Variants in USP34 observed in about 807,000 individuals in gnomAD.
The protein encoded by USP34 is ubiquitin carboxyl-terminal hydrolase 34.
USP34 carries 70 observed loss-of-function variants against 460.3 expected under a neutral mutation model. The ratio of observed to expected loss-of-function variants is 0.15; its 90% confidence interval spans 0.13 to 0.19. USP34 has a LOEUF of 0.19. Among genes scored for constraint, USP34 ranks in the 10% least tolerant of loss-of-function variants. USP34 has a pLI of 1.00. For missense variants in USP34, 3,985 were observed against 4,236.2 expected, an observed-to-expected ratio of 0.94 and a Z score of 1.65; for synonymous variants, 1,647 against 1,405.3, an observed-to-expected ratio of 1.17 and a Z score of -3.85.
intron 75 of USP34, among the ~76,000 whole-genome samples, chr2:61,199,787 G>C (rs1686916440): frequency 6.6e-6 from 1 of 151,992 alleles, no homozygotes; most frequent in Non-Finnish European, 1.5e-5. Flanking sequence ...ATACTACATG[G>C]TTTTAATCAT....
chr2:61,262,142 G>C (rs1415603985), intron 43 of USP34, among the ~76,000 whole-genome samples: 1 of 129,226 alleles, frequency 7.7e-6, no homozygotes, highest in Non-Finnish European at 1.6e-5. Context: ...TAGATAGATA[G>C]ATAGATAGAT....
intron 1 of USP34, among the ~76,000 whole-genome samples, chr2:61,424,870 G>A (rs538091309): frequency 3.3e-5 from 5 of 152,188 alleles, no homozygotes; most frequent in East Asian, 1.9e-4. Context: ...CACTCTGTCC[G>A]CCAGGGTAGA....
intron 1 of USP34, among the ~76,000 whole-genome samples, chr2:61,437,738 A>T (rs1250188501): frequency 6.6e-6 from 1 of 151,262 alleles, no homozygotes; most frequent in African/African-American, 2.4e-5. Context: ...GTACCACTGC[A>T]CTCCAGCCTG....
chr2:61,411,851 C>T (rs558197660), intron 2 of USP34, among the ~76,000 whole-genome samples: 114 of 152,066 alleles, frequency 7.5e-4, no homozygotes, highest in African/African-American at 2.3e-3. Context: ...ATAAGATATG[C>T]GAGAAAAATT....
intron 1 of USP34, among the ~76,000 whole-genome samples, chr2:61,459,652 C>T (rs1695542929): frequency 6.6e-6 from 1 of 151,956 alleles, no homozygotes; most frequent in African/African-American, 2.4e-5. Context: ...TGGCAGGCAC[C>T]TGTAATCCCA....
intron 27 of USP34, among the ~76,000 whole-genome samples, chr2:61,308,519 G>A (rs1690484041): frequency 6.6e-6 from 1 of 152,162 alleles, no homozygotes; most frequent in Non-Finnish European, 1.5e-5. Context: ...TAATGGATAT[G>A]TTCCATAAGG....
At chr2:61,215,774 C>T (rs1036461206) in intron 67 of USP34, among the ~76,000 whole-genome samples, 3 of 152,064 alleles carry the variant, frequency 2.0e-5, no homozygotes, top group Non-Finnish European at 4.4e-5. Context: ...GAGCCTTTAC[C>T]AAATGTATAC....
intron 7 of USP34, 130 bp downstream of exon 7, chr2:61,380,039 C>A: frequency 1.5e-6 from 1 of 660,232 alleles, no homozygotes; most frequent in Non-Finnish European, 2.4e-6. Context: ...TTGTGAAGAC[C>A]ATATAAAGTA....
At chr2:61,401,177 A>G (rs1398525027) in intron 3 of USP34, among the ~76,000 whole-genome samples, 2 of 151,834 alleles carry the variant, frequency 1.3e-5, no homozygotes, top group Admixed American at 6.6e-5. Context: ...AAATTAAAAA[A>G]TAAAACCTTC....
rs912579730 is a variant in USP34 at position 61,283,351 on chromosome 2, A to G, written c.4873+58T>C. The G allele has an allele frequency of 2.6e-6, 4 of 1,567,758 alleles. No individual in the cohort carries two copies. In the African/African-American group the frequency reaches 4.2e-5, roughly 16 times the overall value. On this transcript the variant is annotated intron_variant, in intron 36 of 79. Transcript: ENST00000398571. ...CAATGTTCAATATTAAAGGTAAAATATATCAATATATTATTCAAGTTTTTA... is the reference window on the plus strand; with the variant it reads ...CAATGTTCAATATTAAAGGTAAAATGTATCAATATATTATTCAAGTTTTTA...
intron 41 of USP34, among the ~76,000 whole-genome samples, chr2:61,271,173 C>T (rs762056106): frequency 6.6e-6 from 1 of 151,990 alleles, no homozygotes; most frequent in Non-Finnish European, 1.5e-5. Flanking sequence ...TGGTGACACA[C>T]GCCTGTAATC....
chr2:61,400,889 C>T (rs945085805), intron 3 of USP34, among the ~76,000 whole-genome samples: 4 of 152,036 alleles, frequency 2.6e-5, no homozygotes, highest in Non-Finnish European at 5.9e-5. Context: ...CGGTAGCTTA[C>T]GCCTGTAATC....
In USP34 at chr2:61,471,028, C is replaced by T. The variant is rs74181273; in HGVS notation, c.-336G>A. Among the ~76,000 whole-genome samples, 43,563 of 150,834 alleles carry T rather than the reference C, an allele frequency of 0.29. 7,108 individuals carry two copies. The highest frequency in any genetic ancestry group is 0.42 in the Middle Eastern group (120 of 288). ...GAGAGAAGCAGCAGAGTCACTTCAC[C>T]GACCAGACGCCGCGGCCACCGCCGA... On this transcript the variant is annotated 5_prime_UTR_variant, in exon 1 of 80. Transcript: ENST00000398571.
At chr2:61,361,689 A>C (rs1326228915) in intron 10 of USP34, among the ~76,000 whole-genome samples, 2 of 152,222 alleles carry the variant, frequency 1.3e-5, no homozygotes, top group Non-Finnish European at 2.9e-5. Flanking sequence ...AAGTACATTT[A>C]AGACCTGAAA....
chr2:61,357,479 TA>T (rs552456169), intron 10 of USP34, among the ~76,000 whole-genome samples: 29 of 149,946 alleles, frequency 1.9e-4, no homozygotes, highest in South Asian at 6.3e-4. Context: ...AATGTGAATT[TA>T]AAAAAAAAAT....
chr2:61,273,536 T>G lies in USP34; in HGVS notation c.5433+4629A>C, dbSNP rs117499494. ...GAGTTTGAGACCAGCCTGACCAACA[T>G]GGTGAAACCCTTCTCTATCAAAGAT... On this transcript the variant is annotated intron_variant, in intron 41 of 79. Transcript: ENST00000398571. Among the ~76,000 whole-genome samples the G allele has an allele frequency of 4.1e-4, 62 of 152,300 alleles. No homozygotes were observed. The East Asian group carries it at 0.01, about 25-fold the overall frequency.
intron 5 of USP34, among the ~76,000 whole-genome samples, chr2:61,387,909 A>G (rs1693213503): frequency 6.8e-6 from 1 of 147,376 alleles, no homozygotes; most frequent in Non-Finnish European, 1.5e-5. Context: ...ATATATAAGC[A>G]TATGTAAAAA....
intron 8 of USP34, among the ~76,000 whole-genome samples, chr2:61,377,733 A>T (rs1339716297): frequency 6.6e-6 from 1 of 152,212 alleles, no homozygotes; most frequent in Non-Finnish European, 1.5e-5. Flanking sequence ...AAGTCATCCA[A>T]TCTACAGTAC....
chr2:61,445,518 G>T (rs1401499720), intron 1 of USP34, among the ~76,000 whole-genome samples: 3 of 122,784 alleles, frequency 2.4e-5, no homozygotes, highest in African/African-American at 9.6e-5. Flanking sequence ...CTGGGCAACA[G>T]ATCGAGACTC....
Sources: gnomAD v4.1 joint callset for allele counts (sites outside exome capture counted in the v4.1 genomes callset) on GRCh38, gnomAD v4.1.1 for gene constraint, MANE v1.5 for transcripts, NCBI Gene and HGNC (gene_info 2026-07-23, HGNC 2026-07-21) for gene names.